Variants in FUNDC1 observed in about 807,000 individuals in gnomAD.
FUNDC1 encodes FUN14 domain-containing protein 1.
FUNDC1 carries 10 observed loss-of-function variants against 14.5 expected under a neutral mutation model. The ratio of observed to expected loss-of-function variants is 0.69; its 90% CI spans 0.43 to 1.17. FUNDC1 has a LOEUF of 1.17. Among genes scored for constraint, FUNDC1 ranks in the 50% most tolerant of loss-of-function variants. FUNDC1 has a pLI of 0.00. For synonymous variants in FUNDC1, 33 were observed against 39.7 expected (o/e 0.83, Z 0.64); for missense variants, 115 against 113.8 (o/e 1.01, Z -0.05).
At chrX:44,533,901 T>C (rs1198052069) in intron 3 of FUNDC1, among the ~76,000 whole-genome samples, 2 of 105,757 alleles carry the variant, frequency 1.9e-5, no homozygotes, top group African/African-American at 6.9e-5. Context: ...CCATCTCTAC[T>C]AAAAATACAA....
chrX:44,534,559 T>A, intron 3 of FUNDC1, among the ~76,000 whole-genome samples: 1 of 104,059 alleles, frequency 9.6e-6, no homozygotes. Context: ...CTGGGAAAAA[T>A]CAGAATACTG....
At chrX:44,527,735 T>C (rs755238986) in intron 3 of FUNDC1, among the ~76,000 whole-genome samples, 12 of 112,037 alleles carry the variant, frequency 1.1e-4, no homozygotes, top group Non-Finnish European at 2.3e-4. Flanking sequence ...GAATAGGGAA[T>C]TAGTTAAAAA....
At chrX:44,542,782 C>T (rs2038978051) in intron 1 of FUNDC1, 23 bp downstream of exon 1, 1 of 1,162,312 alleles carries the variant, frequency 8.6e-7, no homozygotes, top group Non-Finnish European at 1.2e-6. Flanking sequence ...TCCCAGATAC[C>T]ACTTCGGGCC....
chrX:44,528,974 C>T (rs1027522687), intron 3 of FUNDC1, among the ~76,000 whole-genome samples: 3 of 112,155 alleles, frequency 2.7e-5, no homozygotes, highest in Non-Finnish European at 5.6e-5. Context: ...GGATTACAGG[C>T]ATGAGCCACC....
intron 3 of FUNDC1, among the ~76,000 whole-genome samples, chrX:44,533,663 A>G (rs1441103230): frequency 9.3e-6 from 1 of 107,642 alleles, no homozygotes; most frequent in Non-Finnish European, 1.9e-5. Flanking sequence ...CAAAACAACA[A>G]CAACAAAAAA....
At chrX:44,527,050 A>G (rs1471333230) in intron 4 of FUNDC1, among the ~76,000 whole-genome samples, 187 bp downstream of exon 4, 1 of 109,578 alleles carries the variant, frequency 9.1e-6, no homozygotes, top group Admixed American at 9.9e-5. Context: ...CACCAAAAAA[A>G]AAAAAATAAT....
chrX:44,542,747 G>A, intron 1 of FUNDC1, 58 bp downstream of exon 1: 1 of 1,099,248 alleles, frequency 9.1e-7, no homozygotes, highest in South Asian at 2.0e-5. Context: ...TGCCATAGGA[G>A]CAAGGTCGAG....
chrX:44,535,516 A>G (rs1445515976), intron 3 of FUNDC1, among the ~76,000 whole-genome samples: 1 of 106,896 alleles, frequency 9.4e-6, no homozygotes, highest in Non-Finnish European at 1.9e-5. Context: ...AAAAATACAA[A>G]AAAGTTAGCC....
chrX:44,525,215 T>TG (rs997232697), intron 4 of FUNDC1, among the ~76,000 whole-genome samples: 5 of 109,895 alleles, frequency 4.5e-5, no homozygotes, highest in Admixed American at 9.7e-5. Context: ...TAATTTTTTT[T>TG]GGGGGGGTGA....
intron 2 of FUNDC1, among the ~76,000 whole-genome samples, chrX:44,538,754 A>C (rs1277234945): frequency 8.9e-6 from 1 of 111,835 alleles, no homozygotes; most frequent in African/African-American, 3.3e-5. Context: ...GCTTCAAAAT[A>C]AGGGACGGAG....
At chrX:44,529,465 G>A (rs956689147) in intron 3 of FUNDC1, among the ~76,000 whole-genome samples, 1 of 110,797 alleles carries the variant, frequency 9.0e-6, no homozygotes, top group Non-Finnish European at 1.9e-5. Flanking sequence ...ACACCTCCAA[G>A]CAGACAGAGC....
chrX:44,527,043 CA>C (rs370172957), intron 4 of FUNDC1, among the ~76,000 whole-genome samples, 193 bp downstream of exon 4: 13,120 of 93,356 alleles, frequency 0.14, 845 homozygotes, highest in African/African-American at 0.24. Flanking sequence ...TGATAACCAC[CA>C]AAAAAAAAAA....
chrX:44,534,092 C>A (rs762650169), intron 3 of FUNDC1, among the ~76,000 whole-genome samples: 198 of 105,664 alleles, frequency 1.9e-3, no homozygotes, highest in African/African-American at 6.3e-3. Flanking sequence ...ACAAAAACAA[C>A]AAAAAAAACT....
At chrX:44,526,963 T>C (rs750897019) in intron 4 of FUNDC1, among the ~76,000 whole-genome samples, 56 of 109,502 alleles carry the variant, frequency 5.1e-4, no homozygotes, top group Non-Finnish European at 8.9e-4. Context: ...GCAGAGGAAA[T>C]ATGTTGAAAA....
At position 44,530,554 on chromosome X, in the gene FUNDC1, C is replaced by A. The variant is rs151003785; in HGVS notation, c.262-3189G>T. Among the ~76,000 whole-genome samples the A allele has an allele frequency of 4.5e-5, 5 of 109,938 alleles. No homozygotes were observed. The East Asian group carries it at 1.4e-3, about 32-fold the overall frequency. ...CCAGGAGGCAGAGACTACAGTGAGCCGATATCACGCCACTGCACTCCAGCC... is the reference window on the plus strand; with the variant it reads ...CCAGGAGGCAGAGACTACAGTGAGCAGATATCACGCCACTGCACTCCAGCC... On this transcript the variant is annotated intron_variant, in intron 3 of 4. Transcript: ENST00000378045.
rs753760680 is a variant in FUNDC1, at chrX:44,524,213, G to A, written c.453C>T (p.Leu151=). Reference sequence around the variant, plus strand: ...ATTCATGTCCTTAAGATGCAAGTCCGAGCAAAAAGCCTCCCACAAATCCAC... The same window carrying A: ...ATTCATGTCCTTAAGATGCAAGTCCAAGCAAAAAGCCTCCCACAAATCCAC... The part of the protein sequence containing the change: ...ISSGFVGGFL[L]GLAS The change falls in exon 5 of 5, where the codon CTC becomes CTT. Residue 151 remains leucine (L), a synonymous_variant. Transcript: ENST00000378045. The A allele has an allele frequency of 1.7e-5, 20 of 1,195,608 alleles. No homozygotes were observed. In the South Asian group the frequency reaches 2.7e-4, roughly 16 times the overall value.
intron 3 of FUNDC1, among the ~76,000 whole-genome samples, chrX:44,527,888 TCTTTA>T (rs1296053387): frequency 2.7e-5 from 3 of 112,230 alleles, no homozygotes; most frequent in Non-Finnish European, 5.6e-5. Context: ...TAAATAGCTC[TCTTTA>T]CTTAAATTAA....
chrX:44,528,842 A>G (rs1012494102), intron 3 of FUNDC1, among the ~76,000 whole-genome samples: 3 of 111,559 alleles, frequency 2.7e-5, no homozygotes, highest in Non-Finnish European at 5.7e-5. Flanking sequence ...GACTACAGGC[A>G]CTTGCCACCA....
intron 2 of FUNDC1, among the ~76,000 whole-genome samples, chrX:44,539,562 A>G (rs1293220183): frequency 9.0e-6 from 1 of 111,460 alleles, no homozygotes; most frequent in Admixed American, 9.6e-5. Flanking sequence ...CATAAAACAG[A>G]TTTCTCCCTC....
Sources: allele counts gnomAD v4.1 joint callset (sites outside exome capture counted in the v4.1 genomes callset), GRCh38; gene constraint gnomAD v4.1.1; transcripts MANE v1.5; gene names NCBI Gene and HGNC (gene_info 2026-07-23, HGNC 2026-07-21).